The following CEP135 variants were observed in gnomAD, a reference collection of about 807,000 sequenced individuals.
CEP135 encodes the protein centrosomal protein of 135 kDa.
In CEP135, 142 loss-of-function variants were observed where a neutral mutation model predicts 157.3. The ratio of observed to expected loss-of-function variants is 0.90; its 90% CI spans 0.79 to 1.04. The LOEUF is 1.04. Ranked by LOEUF, CEP135 falls within the 50% of genes least tolerant of loss-of-function variation. The pLI, the probability that CEP135 is intolerant of heterozygous loss-of-function variation, is 0.00. For synonymous variants in CEP135, 396 were observed against 439.8 expected (o/e 0.90, Z 1.25); for missense variants, 1,317 against 1,309.2 (o/e 1.01, Z -0.09).
chr4:56,025,217 G>A (rs1731116372), intron 25 of CEP135, among the ~76,000 whole-genome samples: 1 of 152,202 alleles, frequency 6.6e-6, no homozygotes, highest in African/African-American at 2.4e-5. Context: ...CTGGGCTCAA[G>A]CAGTCCTCCC....
chr4:55,949,394 G>A (rs545574321), intron 1 of CEP135, among the ~76,000 whole-genome samples: 1 of 152,346 alleles, frequency 6.6e-6, no homozygotes, highest in South Asian at 2.1e-4. Flanking sequence ...ACATTAAAAT[G>A]CCTTCTCAGT....
chr4:55,979,433 T>A (rs921295643), intron 11 of CEP135, among the ~76,000 whole-genome samples: 13 of 152,318 alleles, frequency 8.5e-5, no homozygotes, highest in Non-Finnish European at 1.8e-4. Flanking sequence ...TGAATATTCT[T>A]AATATATACT....
chr4:55,980,411 A>G, intron 12 of CEP135, 116 bp downstream of exon 12: 1 of 596,144 alleles, frequency 1.7e-6, no homozygotes, highest in Non-Finnish European at 2.7e-6. Context: ...TTTCTTCATA[A>G]TTAAAATTAT....
chr4:56,020,700 C>G lies in CEP135; in HGVS notation c.3240C>G (p.Thr1080=). ...GAACTAGTCAAAGCCGGGAAAACAC[C>G]ATGCTTCGAGCTAAAGTGGCACAGT... ...SKLTSQSREN[T]MLRAKVAQLQ... The change falls in exon 24 of 26, where the codon ACC becomes ACG. Residue 1080 remains threonine, a synonymous_variant. Coordinates refer to ENST00000257287, the MANE Select transcript of CEP135 (RefSeq NM_025009.5). 2 of 1,613,460 alleles carry G rather than the reference C, an allele frequency of 1.2e-6. No homozygotes were observed. The highest frequency in any genetic ancestry group is 1.7e-6 in the Non-Finnish European group (2 of 1,179,654).
intron 21 of CEP135, among the ~76,000 whole-genome samples, chr4:56,012,595 C>T (rs945822084): frequency 6.6e-6 from 1 of 152,120 alleles, no homozygotes; most frequent in Non-Finnish European, 1.5e-5. Flanking sequence ...ACTATGAATT[C>T]GATTACTCTA....
At chr4:56,007,164 G>A (rs767485536) in intron 17 of CEP135, among the ~76,000 whole-genome samples, 1 of 152,196 alleles carries the variant, frequency 6.6e-6, no homozygotes, top group Non-Finnish European at 1.5e-5. Flanking sequence ...AAAGTGCTGG[G>A]ATTACAGGCC....
At position 55,985,372 on chromosome 4, in the gene CEP135, C is replaced by T; in HGVS notation, c.1857+14C>T. ...GTTAATCATCAGGTAATGTATCAAACTGGATTTGGGGTATCTTGTGTTATA... is the reference window on the plus strand; with the variant it reads ...GTTAATCATCAGGTAATGTATCAAATTGGATTTGGGGTATCTTGTGTTATA... On this transcript the variant is annotated intron_variant, in intron 14 of 25. Coordinates refer to ENST00000257287, the MANE Select transcript of CEP135 (RefSeq NM_025009.5). The T allele has an allele frequency of 1.3e-6, 2 of 1,481,488 alleles. No individual in the cohort carries two copies. The highest frequency in any genetic ancestry group is 1.2e-5 in the South Asian group (1 of 83,410). The allele number at this position is 1,481,488 out of a possible 1,614,324, so 91.8% of individuals were successfully genotyped here. A position where few individuals can be genotyped will look rare whatever the true frequency, so the allele number is the denominator to read the frequency against.
Position 55,980,224 on chromosome 4 carries a change from A to G in CEP135, c.1555A>G (p.Met519Val), listed in dbSNP as rs761426778. The G allele has an allele frequency of 2.5e-6, 4 of 1,589,016 alleles. No homozygotes were observed. Among genetic ancestry groups the G allele is most frequent in the Non-Finnish European group, 2.6e-6 (3 of 1,157,698 alleles). ...QRMLERFEKY[M>V]EDIQSNVKLL... ...TATGCTAGAAAGATTTGAAAAATAT[A>G]TGGAAGATATACAGTCCAATGTTAA... The change falls in exon 12 of 26, where the codon ATG (methionine) becomes GTG (valine). Residue 519 changes from methionine (M) to valine (V), a missense_variant. By Grantham distance (21) the Met-to-Val change is conservative (BLOSUM62 1). Coordinates refer to ENST00000257287, the MANE Select transcript of CEP135 (RefSeq NM_025009.5).
At chr4:55,953,341 C>A in intron 3 of CEP135, 66 bp downstream of exon 3, 1 of 1,183,520 alleles carries the variant, frequency 8.4e-7, no homozygotes, top group Non-Finnish European at 1.2e-6. Context: ...GAAGGAAAAG[C>A]TAACGTCTAA....
At position 56,011,851 on chromosome 4, in the gene CEP135, G is replaced by C; in HGVS notation, c.2668G>C (p.Ala890Pro). ...TAGATTTCAGATGCTTCATAACCGT[G>C]CTGAAGACTGGGAGGTCAAAGCCCA... ...LDRFQMLHNR[A>P]EDWEVKAHQA... is the part of the protein sequence containing the mutation. Residue 890 changes from alanine (A) to proline (P), a missense_variant, in exon 21 of 26, where the codon GCT (alanine) becomes CCT (proline). Ala to Pro is a conservative substitution (Grantham distance 27, BLOSUM62 -1). Transcript: ENST00000257287. 1 of 1,604,650 alleles carries C rather than the reference G, an allele frequency of 6.2e-7. No individual in the cohort carries two copies. The highest frequency in any genetic ancestry group is 8.5e-7 in the Non-Finnish European group (1 of 1,176,730).
At chr4:56,003,470 A>G (rs570384790) in intron 17 of CEP135, among the ~76,000 whole-genome samples, 2 of 152,192 alleles carry the variant, frequency 1.3e-5, no homozygotes, top group South Asian at 4.1e-4. Flanking sequence ...GGCCTTCCAA[A>G]GTGCTGGGAT....
chr4:55,952,549 C>G (rs1399573582), intron 2 of CEP135: 2 of 210,514 alleles, frequency 9.5e-6, no homozygotes, highest in Non-Finnish European at 1.9e-5. Flanking sequence ...TTTTTTTCCC[C>G]CCCTTAAGTT....
chr4:56,005,617 T>C (rs1730325695), intron 17 of CEP135, among the ~76,000 whole-genome samples: 1 of 152,252 alleles, frequency 6.6e-6, no homozygotes, highest in Non-Finnish European at 1.5e-5. Flanking sequence ...ACTAGAATTA[T>C]AAGTGGATTG....
chr4:56,030,511 A>G (rs193191027), intron 25 of CEP135, among the ~76,000 whole-genome samples: 13 of 152,304 alleles, frequency 8.5e-5, no homozygotes, highest in Admixed American at 7.2e-4. Flanking sequence ...GGAGAGGTGC[A>G]GTGTGCCATC....
chr4:56,016,436 T>G (rs1730774977), intron 21 of CEP135, among the ~76,000 whole-genome samples: 1 of 152,194 alleles, frequency 6.6e-6, no homozygotes, highest in Admixed American at 6.5e-5. Flanking sequence ...AAAAGAGTTT[T>G]TCAGCAACTG....
At chr4:56,003,894 AT>A (rs1263100974) in intron 17 of CEP135, among the ~76,000 whole-genome samples, 1 of 151,518 alleles carries the variant, frequency 6.6e-6, no homozygotes, top group Admixed American at 6.6e-5. Flanking sequence ...CTAATTTTTA[AT>A]TTTTTTGTAG....
At chr4:56,012,327 A>G (rs1730616800) in intron 21 of CEP135, among the ~76,000 whole-genome samples, 1 of 152,196 alleles carries the variant, frequency 6.6e-6, no homozygotes, top group African/African-American at 2.4e-5. Flanking sequence ...AAGTGCTGGG[A>G]TTACAGGCAT....
At position 56,017,663 on chromosome 4, in the gene CEP135, C is replaced by T. The variant is rs374458809; in HGVS notation, c.2818C>T (p.His940Tyr). 3.7e-6 allele frequency: 6 copies of T among 1,605,930 alleles called. No homozygotes were observed. The highest frequency in any genetic ancestry group is 1.3e-5 in the African/African-American group (1 of 74,638). Residue 940 changes from histidine to tyrosine, a missense_variant, in exon 22 of 26, where the codon CAT (histidine) becomes TAT (tyrosine). His to Tyr is a moderately conservative substitution (Grantham distance 83). Coordinates refer to ENST00000257287, the MANE Select transcript of CEP135 (RefSeq NM_025009.5). ...KEIQEHINAH[H>Y]AYESQISSMA... is the part of the protein sequence containing the mutation. ...CTTTTTTCAGCACATAAATGCCCATCATGCTTATGAATCTCAGATCTCATC... is the reference window on the plus strand; with the variant it reads ...CTTTTTTCAGCACATAAATGCCCATTATGCTTATGAATCTCAGATCTCATC...
chr4:56,008,488 TC>T, intron 18 of CEP135, 106 bp downstream of exon 18: 3 of 909,564 alleles, frequency 3.3e-6, no homozygotes, highest in Non-Finnish European at 5.1e-6. Context: ...CCTTTCAATT[TC>T]CCCATTTTTG....
Sources: allele counts gnomAD v4.1 joint callset (sites outside exome capture counted in the v4.1 genomes callset), GRCh38; gene constraint gnomAD v4.1.1; transcripts MANE v1.5; gene names NCBI Gene and HGNC (gene_info 2026-07-23, HGNC 2026-07-21).